Variants in PPP2R5E observed in about 807,000 individuals in gnomAD.
The protein encoded by PPP2R5E is protein phosphatase 2 regulatory subunit B'epsilon.
In PPP2R5E, 4 loss-of-function variants were observed where a neutral mutation model predicts 65.3. That is an observed-to-expected ratio of 0.06 (90% confidence interval 0.03 to 0.14). PPP2R5E has a LOEUF of 0.14. Among genes scored for constraint, PPP2R5E ranks in the 10% least tolerant of loss-of-function variants. PPP2R5E has a pLI of 1.00. For missense variants in PPP2R5E, 274 were observed against 556.1 expected (o/e 0.49, Z 5.10); for synonymous variants, 183 against 187.4 (o/e 0.98, Z 0.19).
intron 5 of PPP2R5E, among the ~76,000 whole-genome samples, chr14:63,410,578 G>C (rs1886340518): frequency 6.6e-6 from 1 of 152,122 alleles, no homozygotes; most frequent in South Asian, 2.1e-4. Flanking sequence ...GGCCAGGAAG[G>C]GATCTCAGGA....
chr14:63,454,631 T>G (rs981434740), intron 2 of PPP2R5E, among the ~76,000 whole-genome samples: 4 of 152,242 alleles, frequency 2.6e-5, no homozygotes, highest in African/African-American at 9.6e-5. Flanking sequence ...GGCTTGGCGT[T>G]GTTTCTAAAA....
chr14:63,444,950 C>T (rs990625320), intron 3 of PPP2R5E, among the ~76,000 whole-genome samples: 3 of 152,134 alleles, frequency 2.0e-5, no homozygotes, highest in Admixed American at 6.5e-5. Context: ...TGCACAATGG[C>T]CTGTAAACTT....
intron 2 of PPP2R5E, among the ~76,000 whole-genome samples, chr14:63,500,472 T>A (rs1032361219): frequency 6.6e-6 from 1 of 152,162 alleles, no homozygotes; most frequent in African/African-American, 2.4e-5. Context: ...TAGGACAAAA[T>A]AATAAAACTG....
chr14:63,400,001 A>G (rs1885654353), intron 5 of PPP2R5E, among the ~76,000 whole-genome samples: 1 of 152,186 alleles, frequency 6.6e-6, no homozygotes, highest in Non-Finnish European at 1.5e-5. Context: ...TGGACCAAAA[A>G]AAGGCCCCTC....
intron 2 of PPP2R5E, among the ~76,000 whole-genome samples, chr14:63,514,688 G>T (rs867445027): frequency 1.3e-5 from 2 of 152,100 alleles, no homozygotes; most frequent in African/African-American, 4.8e-5. Flanking sequence ...GATGAGAGGG[G>T]GCACTATCCT....
At chr14:63,477,612 T>C (rs1301446429) in intron 2 of PPP2R5E, among the ~76,000 whole-genome samples, 1 of 152,058 alleles carries the variant, frequency 6.6e-6, no homozygotes, top group East Asian at 1.9e-4. Context: ...TTAGATATAT[T>C]GCCTATAAAA....
At chr14:63,507,498 G>A (rs555721205) in intron 2 of PPP2R5E, among the ~76,000 whole-genome samples, 2 of 141,484 alleles carry the variant, frequency 1.4e-5, no homozygotes, top group Admixed American at 7.0e-5. Context: ...AATAGATTAT[G>A]AAATGCAAAA....
At chr14:63,436,242 T>C (rs1887946451) in intron 3 of PPP2R5E, among the ~76,000 whole-genome samples, 1 of 152,224 alleles carries the variant, frequency 6.6e-6, no homozygotes, top group Non-Finnish European at 1.5e-5. Context: ...TCTAAACATC[T>C]GCTATGAGGA....
chr14:63,413,452 A>C (rs941533131), intron 5 of PPP2R5E, among the ~76,000 whole-genome samples: 3 of 152,210 alleles, frequency 2.0e-5, no homozygotes, highest in Non-Finnish European at 2.9e-5. Context: ...ACAAGAAGGC[A>C]TCACGGCATG....
At chr14:63,515,606 C>T (rs1405364295) in intron 2 of PPP2R5E, among the ~76,000 whole-genome samples, 1 of 151,858 alleles carries the variant, frequency 6.6e-6, no homozygotes, top group Non-Finnish European at 1.5e-5. Flanking sequence ...CTGCAACCTC[C>T]GCCTCCCGGA....
intron 2 of PPP2R5E, among the ~76,000 whole-genome samples, chr14:63,463,891 C>T (rs749442495): frequency 2.0e-5 from 3 of 151,996 alleles, no homozygotes; most frequent in Non-Finnish European, 2.9e-5. Flanking sequence ...CCATCGCGCC[C>T]GGCCGAATTG....
chr14:63,463,287 G>C (rs1212147018), intron 2 of PPP2R5E, among the ~76,000 whole-genome samples: 6 of 147,030 alleles, frequency 4.1e-5, no homozygotes, highest in South Asian at 2.2e-4. Flanking sequence ...TTACAGGCAC[G>C]CACCACCACG....
rs529392910 is a variant in PPP2R5E, at chr14:63,391,683, A to C, written c.954+134T>G. 19 of 946,102 alleles carry C rather than the reference A, an allele frequency of 2.0e-5. No individual in the cohort carries two copies. The South Asian group carries it at 2.9e-4, about 14-fold the overall frequency. 58.6% of individuals were successfully genotyped at this position (946,102 alleles called of 1,614,324 possible). The stretch of plus-strand genomic sequence containing the variant: ...GGTGATCTGCCCGCCTCGGCCTCCC[A>C]AAGTGCTGGGATTACAGGCATGAGC... On this transcript the variant is annotated intron_variant, in intron 10 of 13. Coordinates refer to ENST00000337537, the MANE Select transcript of PPP2R5E (RefSeq NM_006246.5).
At chr14:63,428,827 G>T (rs1232031516) in intron 3 of PPP2R5E, among the ~76,000 whole-genome samples, 3 of 152,088 alleles carry the variant, frequency 2.0e-5, no homozygotes, top group Non-Finnish European at 4.4e-5. Flanking sequence ...TTTCTAAATA[G>T]TTATTTAAAT....
At chr14:63,531,940 C>T (rs367943260) in intron 2 of PPP2R5E, among the ~76,000 whole-genome samples, 2 of 150,248 alleles carry the variant, frequency 1.3e-5, no homozygotes, top group Non-Finnish European at 2.9e-5. Context: ...GCAACAAGAG[C>T]GAACCTCCAT....
intron 2 of PPP2R5E, among the ~76,000 whole-genome samples, chr14:63,455,250 C>T (rs886407432): frequency 2.0e-5 from 3 of 152,158 alleles, no homozygotes; most frequent in Non-Finnish European, 4.4e-5. Flanking sequence ...CCACCTTACA[C>T]CCCACAACCC....
At chr14:63,394,625 T>C (rs866422398) in intron 7 of PPP2R5E, among the ~76,000 whole-genome samples, 14 of 152,320 alleles carry the variant, frequency 9.2e-5, no homozygotes, top group South Asian at 6.2e-4. Flanking sequence ...TCCTTCTCAT[T>C]CCTGAAACCT....
intron 11 of PPP2R5E, among the ~76,000 whole-genome samples, chr14:63,384,985 G>A (rs978203981): frequency 2.7e-5 from 4 of 150,146 alleles, no homozygotes; most frequent in South Asian, 2.3e-4. Flanking sequence ...GTGAACCACC[G>A]TGCCTGGCCC....
chr14:63,438,297 T>C (rs1888040204), intron 3 of PPP2R5E, among the ~76,000 whole-genome samples: 2 of 152,274 alleles, frequency 1.3e-5, no homozygotes, highest in African/African-American at 4.8e-5. Flanking sequence ...CTTTCATTTC[T>C]GTGTCTCCTC....
Sources: allele counts gnomAD v4.1 joint callset (sites outside exome capture counted in the v4.1 genomes callset), GRCh38; gene constraint gnomAD v4.1.1; transcripts MANE v1.5; gene names NCBI Gene and HGNC (gene_info 2026-07-23, HGNC 2026-07-21).